Variants in RARB observed in about 807,000 individuals in gnomAD.
The protein encoded by RARB is HBV-activated protein.
RARB carries 17 observed loss-of-function variants against 51.9 expected under a neutral mutation model. The observed-to-expected ratio is 0.33, with a 90% CI of 0.22 to 0.49. RARB has a LOEUF of 0.49. RARB is among the 20% of genes least tolerant of loss of function. RARB has a pLI of 0.99. For missense variants in RARB, 369 were observed against 550.8 expected (o/e 0.67, Z 3.30); for synonymous variants, 215 against 195.4 (o/e 1.10, Z -0.84).
At chr3:25,112,753 G>C (rs1179409537) in intron 3 of RARB, among the ~76,000 whole-genome samples, 1 of 152,132 alleles carries the variant, frequency 6.6e-6, no homozygotes, top group Non-Finnish European at 1.5e-5. Context: ...ACTCCAGCCT[G>C]GGTAACAGAG....
intron 5 of RARB, chr3:25,174,610 G>T (rs1368000203): frequency 8.2e-6 from 11 of 1,348,472 alleles, no homozygotes; most frequent in Non-Finnish European, 1.1e-5. Flanking sequence ...CTTTTCTCTG[G>T]GTTGATTGGA....
intron 2 of RARB, among the ~76,000 whole-genome samples, chr3:25,491,954 AAT>A (rs921872526): frequency 4.9e-5 from 7 of 141,678 alleles, no homozygotes; most frequent in Non-Finnish European, 9.2e-5. Context: ...AAAAAAAAAA[AAT>A]TATAAAATTA....
At chr3:25,308,448 C>CTTTTTTT (rs549224085) in intron 5 of RARB, among the ~76,000 whole-genome samples, 1 of 130,750 alleles carries the variant, frequency 7.6e-6, no homozygotes, top group Non-Finnish European at 1.6e-5. Context: ...TTCTTTCTTT[C>CTTTTTTT]TTTTTTTTTT....
chr3:24,920,119 T>C (rs574562566), intron 2 of RARB, among the ~76,000 whole-genome samples: 2 of 152,348 alleles, frequency 1.3e-5, no homozygotes, highest in African/African-American at 4.8e-5. Flanking sequence ...ATTAACAATG[T>C]GAGCTAGCTG....
chr3:24,877,477 G>A (rs1165963175), intron 2 of RARB, among the ~76,000 whole-genome samples: 1 of 150,464 alleles, frequency 6.6e-6, no homozygotes, highest in African/African-American at 2.4e-5. Context: ...TTGTTGAAAG[G>A]CTATAAAAGA....
chr3:25,194,245 G>GA (rs1363324337), intron 5 of RARB, among the ~76,000 whole-genome samples: 3 of 16,568 alleles, frequency 1.8e-4, no homozygotes, highest in East Asian at 1.6e-3. Flanking sequence ...ACCAGGGTAG[G>GA]AAGGAGAGAA....
chr3:25,008,428 G>C (rs373766702), intron 2 of RARB, among the ~76,000 whole-genome samples: 2 of 152,114 alleles, frequency 1.3e-5, no homozygotes, highest in South Asian at 2.1e-4. Flanking sequence ...CTGTCATATA[G>C]CTCTTAAGTA....
Position 25,428,425 on chromosome 3 carries a change from G to A in RARB, c.-307G>A, listed in dbSNP as rs1575393669. ...CTGGGCACCGTCGGGGTAGGATCCGGAACGCATTCGGAAGGCTTTTTGCAA... is the reference window on the plus strand; with the variant it reads ...CTGGGCACCGTCGGGGTAGGATCCGAAACGCATTCGGAAGGCTTTTTGCAA... On this transcript the variant is annotated 5_prime_UTR_variant, in exon 1 of 8. Transcript: ENST00000330688. 7.8e-7 allele frequency: 1 copy of A among 1,276,932 alleles called. No homozygotes were observed. Among genetic ancestry groups the A allele is most frequent in the East Asian group, 2.9e-5 (1 of 33,916 alleles). 79.1% of individuals were successfully genotyped at this position (1,276,932 alleles called of 1,614,324 possible).
intron 3 of RARB, among the ~76,000 whole-genome samples, chr3:25,528,644 C>T (rs1433978837): frequency 2.0e-5 from 3 of 152,064 alleles, no homozygotes; most frequent in Non-Finnish European, 4.4e-5. Flanking sequence ...TTCCCCTTAC[C>T]TCCTCCTGAG....
chr3:25,397,963 C>A (rs1477309154), intron 5 of RARB, among the ~76,000 whole-genome samples: 1 of 151,974 alleles, frequency 6.6e-6, no homozygotes, highest in African/African-American at 2.4e-5. Context: ...TTATATAACC[C>A]TTAAAATGAT....
chr3:25,582,803 C>T (rs571458963), intron 5 of RARB, among the ~76,000 whole-genome samples: 2 of 152,198 alleles, frequency 1.3e-5, no homozygotes, highest in African/African-American at 4.8e-5. Flanking sequence ...TTTTTGTGAC[C>T]TTGGTGAAGT....
At chr3:25,071,201 C>A (rs1301282220) in intron 3 of RARB, among the ~76,000 whole-genome samples, 1 of 152,172 alleles carries the variant, frequency 6.6e-6, no homozygotes, top group Non-Finnish European at 1.5e-5. Context: ...TTAGTAGGTG[C>A]TCAATAAATA....
intron 2 of RARB, among the ~76,000 whole-genome samples, chr3:25,492,842 G>A (rs572303501): frequency 6.6e-6 from 1 of 152,324 alleles, no homozygotes; most frequent in African/African-American, 2.4e-5. Flanking sequence ...CACATGGTCA[G>A]ATTCTCAGTG....
chr3:25,270,719 C>T (rs1458122252), intron 5 of RARB, among the ~76,000 whole-genome samples: 1 of 152,126 alleles, frequency 6.6e-6, no homozygotes, highest in Admixed American at 6.6e-5. Flanking sequence ...CACGGTATCC[C>T]TTGAAGTAGT....
At chr3:25,534,044 G>A (rs1015252284) in intron 3 of RARB, among the ~76,000 whole-genome samples, 1 of 152,216 alleles carries the variant, frequency 6.6e-6, no homozygotes, top group African/African-American at 2.4e-5. Flanking sequence ...CTATGTGCCA[G>A]TTGAAGAAAT....
In RARB at chr3:25,132,416, C is replaced by T. The variant is rs185760937; in HGVS notation, c.-280+208C>T. Among the ~76,000 whole-genome samples, 15 of 151,952 alleles carry T rather than the reference C, an allele frequency of 9.9e-5. No homozygotes were observed. The East Asian group carries it at 1.7e-3, about 18-fold the overall frequency. On this transcript the variant is annotated intron_variant, in intron 4 of 11. Transcript: ENST00000383772. ...TTTAGACACAAGTTCACAATTAACT[C>T]GGCATCCAAGAATTTTGTGGCTTGC...
chr3:25,151,091 T>C lies in RARB; in HGVS notation c.-280+18883T>C, dbSNP rs530602588. Reference sequence around the variant, plus strand: ...CCTGGAAAACTCATTTTGTGTTCTCTTTTTTATGGAGATAAAGCTGGTCAC... The same window carrying C: ...CCTGGAAAACTCATTTTGTGTTCTCCTTTTTATGGAGATAAAGCTGGTCAC... On this transcript the variant is annotated intron_variant, in intron 4 of 11. Transcript: ENST00000383772. 3.9e-5 allele frequency among the ~76,000 whole-genome samples: 6 copies of C among 152,340 alleles called. No individual in the cohort carries two copies. The East Asian group carries it at 1.2e-3, about 29-fold the overall frequency.
intron 5 of RARB, among the ~76,000 whole-genome samples, chr3:25,383,588 G>A (rs988426752): frequency 6.6e-6 from 1 of 152,116 alleles, no homozygotes; most frequent in African/African-American, 2.4e-5. Context: ...TATCTCATAT[G>A]GTAACCACTA....
intron 2 of RARB, among the ~76,000 whole-genome samples, chr3:24,902,318 A>C (rs1703625600): frequency 6.6e-6 from 1 of 152,216 alleles, no homozygotes; most frequent in Non-Finnish European, 1.5e-5. Flanking sequence ...GCTTCATGAG[A>C]GCAGGTCAAC....
Sources: allele counts gnomAD v4.1 joint callset (sites outside exome capture counted in the v4.1 genomes callset), GRCh38; gene constraint gnomAD v4.1.1; transcripts MANE v1.5; gene names NCBI Gene and HGNC (gene_info 2026-07-23, HGNC 2026-07-21).